HSD17B7: variants seen among roughly 807,000 people sequenced by gnomAD.
The protein encoded by HSD17B7 is 3-keto-steroid reductase/17-beta-hydroxysteroid dehydrogenase 7.
HSD17B7 carries 17 observed loss-of-function variants against 34.1 expected under a neutral mutation model. The observed-to-expected ratio is 0.50, with a 90% CI of 0.34 to 0.75. The LOEUF (loss-of-function observed/expected upper bound fraction) is 0.75, where lower values mean the gene tolerates loss of function less well. Among genes scored for constraint, HSD17B7 ranks in the 30% least tolerant of loss-of-function variants. The pLI is 0.01. For missense variants in HSD17B7, 296 were observed against 406.6 expected, an observed-to-expected ratio of 0.73 and a Z score of 2.34; for synonymous variants, 122 against 154.6, an observed-to-expected ratio of 0.79 and a Z score of 1.56.
At chr1:162,793,015 G>A (rs1558091708) in intron 2 of HSD17B7, 153 bp downstream of exon 2, 3 of 554,348 alleles carry the variant, frequency 5.4e-6, no homozygotes, top group African/African-American at 2.0e-5. Context: ...TTGTGTCTCA[G>A]TACCACGTTT....
At position 162,800,462 on chromosome 1, in the gene HSD17B7, CA is replaced by C. The variant is rs562651876; in HGVS notation, c.642+527del. 2.2e-3 allele frequency: 802 copies of C among 362,342 alleles called. 6 individuals carry two copies. Among genetic ancestry groups the C allele is most frequent in the African/African-American group, 0.016 (739 of 46,992 alleles). The allele number at this position is 362,342 out of a possible 1,614,324, so 22.4% of individuals were successfully genotyped here. On this transcript the variant is annotated intron_variant, in intron 5 of 8. Coordinates refer to ENST00000254521, the MANE Select transcript of HSD17B7 (RefSeq NM_016371.4). ...TCATAGCAGACGTTTATAGGACAGT[CA>C]AGTAGTTATGAAACCTTCTGGATAG...
At chr1:162,804,222 C>G in intron 6 of HSD17B7, 45 bp from the exon 7 acceptor site, 1 of 1,436,094 alleles carries the variant, frequency 7.0e-7, no homozygotes, top group East Asian at 2.3e-5. Flanking sequence ...TTTCGTGACT[C>G]TATTCTAAAC....
At chr1:162,812,143 T>A (rs965087559) in intron 8 of HSD17B7, among the ~76,000 whole-genome samples, 155 bp from the exon 9 acceptor site, 1 of 152,248 alleles carries the variant, frequency 6.6e-6, no homozygotes, top group Non-Finnish European at 1.5e-5. Flanking sequence ...TTAGTATGTC[T>A]TCAGGCTCTC....
In HSD17B7 at chr1:162,808,227, C is replaced by A. The variant is rs530454878; in HGVS notation, c.903+2735C>A. Among the ~76,000 whole-genome samples, 1,446 of 152,230 alleles carry A rather than the reference C, an allele frequency of 9.5e-3. 8 individuals carry two copies. Among genetic ancestry groups the A allele is most frequent in the Non-Finnish European group, 0.015 (1,019 of 68,024 alleles). ...CAGCACCATTTATTAAATAGGGAATCCTTTCCCCATTTCTTGTTTTTGTCA... is the reference window on the plus strand; with the variant it reads ...CAGCACCATTTATTAAATAGGGAATACTTTCCCCATTTCTTGTTTTTGTCA... On this transcript the variant is annotated intron_variant, in intron 8 of 8. Transcript: ENST00000254521.
At chr1:162,798,763 A>C (rs1397074829) in intron 4 of HSD17B7, 1 of 158,586 alleles carries the variant, frequency 6.3e-6, no homozygotes, top group East Asian at 1.9e-4. Context: ...TGGGAGGCCA[A>C]GGCGGGCAGA....
intron 2 of HSD17B7, chr1:162,795,634 T>A (rs1648575398): frequency 2.2e-6 from 1 of 459,570 alleles, no homozygotes. Context: ...GATCAAGAAA[T>A]GGTTGTATGT....
In HSD17B7 at chr1:162,812,536, G is replaced by T; in HGVS notation, c.*116G>T. On this transcript the variant is annotated 3_prime_UTR_variant, in exon 9 of 9. Transcript: ENST00000254521. The stretch of plus-strand genomic sequence containing the variant: ...CAAAAAGAAATAAAAATAATAGCTG[G>T]GTGTGGTGGCATGCGCATGTAGTCC... 1.2e-6 allele frequency: 1 copy of T among 868,502 alleles called. No homozygotes were observed. Among genetic ancestry groups the T allele is most frequent in the East Asian group, 2.8e-5 (1 of 36,328 alleles). The allele number at this position is 868,502 out of a possible 1,614,324, so 53.8% of individuals were successfully genotyped here. A position where few individuals can be genotyped will look rare whatever the true frequency, so the allele number is the denominator to read the frequency against.
At chr1:162,797,716 G>A in intron 3 of HSD17B7, 86 bp from the exon 4 acceptor site, 2 of 1,540,914 alleles carry the variant, frequency 1.3e-6, no homozygotes, top group East Asian at 2.4e-5. Context: ...TAGTTTATGG[G>A]TCGGGGGGAT....
At chr1:162,804,240 A>T in intron 6 of HSD17B7, 27 bp from the exon 7 acceptor site, 1 of 1,592,404 alleles carries the variant, frequency 6.3e-7, no homozygotes, top group Non-Finnish European at 8.6e-7. Context: ...AACCACCAAA[A>T]AATAACAGTT....
intron 8 of HSD17B7, among the ~76,000 whole-genome samples, chr1:162,807,289 C>G (rs1035230560): frequency 6.6e-5 from 10 of 152,202 alleles, no homozygotes; most frequent in South Asian, 4.1e-4. Flanking sequence ...CATGTCCCTA[C>G]AAAGGATATG....
intron 1 of HSD17B7, among the ~76,000 whole-genome samples, chr1:162,792,208 G>T (rs182019124): frequency 6.6e-6 from 1 of 152,164 alleles, no homozygotes; most frequent in Admixed American, 6.5e-5. Flanking sequence ...TGGTGTTTAC[G>T]ATACCAGTAG....
At chr1:162,802,720 A>G in intron 5 of HSD17B7, among the ~76,000 whole-genome samples, 1 of 152,220 alleles carries the variant, frequency 6.6e-6, no homozygotes, top group Non-Finnish European at 1.5e-5. Flanking sequence ...ATAAAATAGT[A>G]AAACAAATCC....
intron 4 of HSD17B7, 74 bp from the exon 5 acceptor site, chr1:162,799,669 A>C: frequency 2.1e-6 from 2 of 962,396 alleles, no homozygotes; most frequent in Non-Finnish European, 3.2e-6. Context: ...CTTACCATAC[A>C]GTACAGTGGT....
intron 5 of HSD17B7, among the ~76,000 whole-genome samples, chr1:162,802,129 C>T (rs1189785387): frequency 1.3e-5 from 2 of 152,202 alleles, no homozygotes; most frequent in Non-Finnish European, 1.5e-5. Context: ...CATGCTCCCC[C>T]ACTCAAGCTG....
chr1:162,797,564 A>G (rs1044556034), intron 3 of HSD17B7: 112 of 380,612 alleles, frequency 2.9e-4, no homozygotes, highest in Non-Finnish European at 4.4e-4. Flanking sequence ...TCAAGTTCCT[A>G]TTGGTAGCGT....
chr1:162,794,353 A>G (rs1648527119), intron 2 of HSD17B7, among the ~76,000 whole-genome samples: 1 of 152,174 alleles, frequency 6.6e-6, no homozygotes, highest in Non-Finnish European at 1.5e-5. Context: ...CAAGTTACAA[A>G]GTGAAAGCTA....
rs1648662679 is a variant in HSD17B7 at position 162,797,665 on chromosome 1, T to C, written c.333-137T>C. ...TAATACAATAACCCAGTCTGAGAAA[T>C]AGGTATTTTTATTCCTGTCATTATA... On this transcript the variant is annotated intron_variant, in intron 3 of 8. Transcript: ENST00000254521. 4.4e-6 allele frequency: 6 copies of C among 1,364,952 alleles called. No individual in the cohort carries two copies. The South Asian group carries it at 4.8e-5, about 11-fold the overall frequency. The allele number at this position is 1,364,952 out of a possible 1,614,324, so 84.6% of individuals were successfully genotyped here.
chr1:162,802,548 C>A (rs1301994756), intron 5 of HSD17B7, among the ~76,000 whole-genome samples: 6 of 152,096 alleles, frequency 3.9e-5, no homozygotes, highest in Non-Finnish European at 8.8e-5. Flanking sequence ...GAAAAGCCTC[C>A]AGGTTCTGTT....
chr1:162,803,381 G>A, intron 5 of HSD17B7, 50 bp from the exon 6 acceptor site: 1 of 1,572,050 alleles, frequency 6.4e-7, no homozygotes, highest in Non-Finnish European at 8.7e-7. Context: ...GCTGGACTGA[G>A]TCAATATACA....
Sources: gnomAD v4.1 joint callset for allele counts (sites outside exome capture counted in the v4.1 genomes callset) on GRCh38, gnomAD v4.1.1 for gene constraint, MANE v1.5 for transcripts, NCBI Gene and HGNC (gene_info 2026-07-23, HGNC 2026-07-21) for gene names.